MACROD1: variants seen among roughly 807,000 people sequenced by gnomAD.
The protein encoded by MACROD1 is ADP-ribose glycohydrolase MACROD1.
MACROD1 carries 31 observed loss-of-function variants against 41.4 expected under a neutral mutation model. That is an observed-to-expected ratio of 0.75 (90% CI 0.56 to 1.01). MACROD1 has a LOEUF of 1.01. MACROD1 is among the 50% of genes least tolerant of loss of function. MACROD1 has a pLI of 0.00. For missense variants in MACROD1, 473 were observed against 460.0 expected (o/e 1.03, Z -0.26); for synonymous variants, 252 against 203.4 (o/e 1.24, Z -2.03).
chr11:64,162,437 G>C (rs1945769140), intron 1 of MACROD1, among the ~76,000 whole-genome samples: 1 of 152,050 alleles, frequency 6.6e-6, no homozygotes. Context: ...AGCAGTTTAA[G>C]GGTGCAGCTA....
rs1189563960 is a variant in MACROD1, at chr11:64,146,904, C to T, written c.517+4335G>A. Among the ~76,000 whole-genome samples, 1 of 150,760 alleles carries T rather than the reference C, an allele frequency of 6.6e-6. No individual in the cohort carries two copies. The highest frequency in any genetic ancestry group is 1.9e-4 in the East Asian group (1 of 5,150). On this transcript the variant is annotated intron_variant, in intron 3 of 10. Transcript: ENST00000255681. This position sits in a 1 kb window ranked among gnomAD's most constrained non-coding sequence, Gnocchi z 4.7. The stretch of plus-strand genomic sequence containing the variant: ...ACACAAACATGCTACATCACAAACA[C>T]ACGCACCGCACACATCACACACACA...
intron 3 of MACROD1, among the ~76,000 whole-genome samples, chr11:64,083,724 C>T (rs1196657097): frequency 6.6e-6 from 1 of 152,218 alleles, no homozygotes; most frequent in Non-Finnish European, 1.5e-5. Context: ...GGCTCCAGGT[C>T]TTCTGCTAGT....
intron 1 of MACROD1, among the ~76,000 whole-genome samples, chr11:64,157,563 T>C (rs537677800): frequency 1.3e-5 from 2 of 152,310 alleles, no homozygotes; most frequent in East Asian, 1.9e-4. Context: ...ATAGGTGTTG[T>C]AAAAAGATGT....
At chr11:64,131,345 C>CT (rs1314331226) in intron 3 of MACROD1, among the ~76,000 whole-genome samples, 4 of 148,796 alleles carry the variant, frequency 2.7e-5, no homozygotes, top group South Asian at 2.1e-4. Flanking sequence ...GGGACGTTTT[C>CT]TTTTTTTTGA....
At chr11:64,129,029 C>T (rs1945227779) in intron 3 of MACROD1, among the ~76,000 whole-genome samples, 2 of 152,256 alleles carry the variant, frequency 1.3e-5, no homozygotes, top group African/African-American at 4.8e-5. Flanking sequence ...CCCGGCTTTA[C>T]CTCACCCTCC....
In MACROD1 at chr11:64,020,300, G is replaced by C. The variant is rs567851398; in HGVS notation, c.518-5019C>G. ...GACGTGTTTACAGACCTGTTTTACA[G>C]ATGAGGACGCTGAGACACGGAAAGT... On this transcript the variant is annotated intron_variant, in intron 3 of 10. Transcript: ENST00000255681. 5.3e-4 allele frequency among the ~76,000 whole-genome samples: 81 copies of C among 152,280 alleles called. 1 individual carries two copies. The highest frequency in any genetic ancestry group is 5.0e-4 in the Non-Finnish European group (34 of 68,008).
rs555085359 is a variant in MACROD1 at position 64,104,700 on chromosome 11, C to A, written c.517+46539G>T. On this transcript the variant is annotated intron_variant, in intron 3 of 10. Coordinates refer to ENST00000255681, the MANE Select transcript of MACROD1 (RefSeq NM_014067.4). ...GGTGGGTTGATCCAAAGCTACTGCC[C>A]AAGGTCCTGCTCCTGTTGGCCCTTG... 2.0e-5 allele frequency among the ~76,000 whole-genome samples: 3 copies of A among 152,322 alleles called. No homozygotes were observed. The South Asian group carries it at 6.2e-4, about 32-fold the overall frequency.
At chr11:64,015,795 C>T (rs541062451) in intron 3 of MACROD1, among the ~76,000 whole-genome samples, 5 of 150,906 alleles carry the variant, frequency 3.3e-5, no homozygotes, top group Admixed American at 1.3e-4. Flanking sequence ...GGACTGAGAA[C>T]GCGGAGCAGT....
At chr11:64,034,047 A>G (rs1428806018) in intron 3 of MACROD1, among the ~76,000 whole-genome samples, 1 of 152,198 alleles carries the variant, frequency 6.6e-6, no homozygotes, top group Non-Finnish European at 1.5e-5. Flanking sequence ...CGAGGCATTG[A>G]GTGCCCGCGC....
At chr11:64,141,652 C>T (rs781294997) in intron 3 of MACROD1, among the ~76,000 whole-genome samples, 5 of 152,222 alleles carry the variant, frequency 3.3e-5, no homozygotes, top group South Asian at 2.1e-4. Context: ...CCACAAGCTC[C>T]GGCCTCCTCG....
chr11:64,073,626 TG>T (rs1433046916), intron 3 of MACROD1, among the ~76,000 whole-genome samples: 1 of 152,128 alleles, frequency 6.6e-6, no homozygotes, highest in Non-Finnish European at 1.5e-5. Flanking sequence ...GAGCCAGCGC[TG>T]GGGGTGCACA....
intron 3 of MACROD1, among the ~76,000 whole-genome samples, chr11:64,033,806 A>C (rs1329956778): frequency 6.6e-6 from 1 of 151,704 alleles, no homozygotes; most frequent in African/African-American, 2.4e-5. Context: ...GTGCCATTGC[A>C]CTCCAGCCTG....
intron 3 of MACROD1, among the ~76,000 whole-genome samples, chr11:64,086,696 A>AG (rs1375190744): frequency 6.6e-6 from 1 of 152,134 alleles, no homozygotes; most frequent in South Asian, 2.1e-4. Flanking sequence ...GAAGACAGAG[A>AG]GGGGGAGAAG....
intron 3 of MACROD1, among the ~76,000 whole-genome samples, chr11:64,066,149 T>C (rs1944001239): frequency 1.3e-5 from 2 of 151,326 alleles, no homozygotes; most frequent in African/African-American, 2.4e-5. Context: ...ATACAAGAAT[T>C]AGCTGGGCAT....
chr11:64,025,721 CTT>C (rs35346247), intron 3 of MACROD1, among the ~76,000 whole-genome samples: 2 of 143,066 alleles, frequency 1.4e-5, no homozygotes, highest in Admixed American at 7.0e-5. Context: ...CCCCCCGCTC[CTT>C]TTTTTTTTTT....
At position 64,120,434 on chromosome 11, in the gene MACROD1, C is replaced by A. The variant is rs1316551673; in HGVS notation, c.517+30805G>T. On this transcript the variant is annotated intron_variant, in intron 3 of 10. Transcript: ENST00000255681. The surrounding 1 kb of genome is among the most constrained non-coding windows in gnomAD (Gnocchi z 4.5). ...GGGTGCAGTGGCTCACGCCTGTAATCCCAGCACTTTGGGAGACTGAGGCAG... is the reference window on the plus strand; with the variant it reads ...GGGTGCAGTGGCTCACGCCTGTAATACCAGCACTTTGGGAGACTGAGGCAG... Among the ~76,000 whole-genome samples the A allele has an allele frequency of 6.6e-6, 1 of 152,214 alleles. No homozygotes were observed. Among genetic ancestry groups the A allele is most frequent in the Non-Finnish European group, 1.5e-5 (1 of 68,038 alleles).
intron 3 of MACROD1, among the ~76,000 whole-genome samples, chr11:64,097,553 G>A (rs1944599190): frequency 6.6e-6 from 1 of 152,244 alleles, no homozygotes; most frequent in African/African-American, 2.4e-5. Context: ...ACAGACTCCT[G>A]AAGCCACCCA....
intron 3 of MACROD1, among the ~76,000 whole-genome samples, chr11:64,071,751 G>C (rs1001832671): frequency 6.6e-6 from 1 of 152,206 alleles, no homozygotes; most frequent in Non-Finnish European, 1.5e-5. Context: ...ACAGATGGCA[G>C]GAGACTGGCC....
At chr11:64,134,182 G>A (rs929844777) in intron 3 of MACROD1, among the ~76,000 whole-genome samples, 1 of 152,224 alleles carries the variant, frequency 6.6e-6, no homozygotes, top group Admixed American at 6.5e-5. Flanking sequence ...CCACAGTGGA[G>A]GATTCCAGGG....
Sources: gnomAD v4.1 joint callset for allele counts (sites outside exome capture counted in the v4.1 genomes callset) on GRCh38, gnomAD v4.1.1 for gene constraint, Gnocchi (gnomAD v3.1) non-coding constraint, MANE v1.5 for transcripts, NCBI Gene and HGNC (gene_info 2026-07-23, HGNC 2026-07-21) for gene names.